Variants in SLC24A2 observed in about 807,000 individuals in gnomAD.
The protein encoded by SLC24A2 is sodium/potassium/calcium exchanger 2.
A neutral mutation model predicts 62.0 loss-of-function variants in SLC24A2; 36 were observed. The observed-to-expected ratio is 0.58, with a 90% CI of 0.44 to 0.77. The LOEUF is 0.77. SLC24A2 is among the 30% of genes least tolerant of loss of function. The pLI is 0.00. For synonymous variants in SLC24A2, 358 were observed against 294.0 expected, an observed-to-expected ratio of 1.22 and a Z score of -2.23; for missense variants, 846 against 817.9, an observed-to-expected ratio of 1.03 and a Z score of -0.42.
At chr9:19,527,982 G>A (rs1833517929) in intron 9 of SLC24A2, 67 bp downstream of exon 9, 1 of 997,948 alleles carries the variant, frequency 1.0e-6, no homozygotes, top group African/African-American at 1.6e-5. Flanking sequence ...CAAACACAAT[G>A]ATTAAACACT....
At chr9:19,533,420 A>G (rs1216713168) in intron 8 of SLC24A2, among the ~76,000 whole-genome samples, 2 of 152,134 alleles carry the variant, frequency 1.3e-5, no homozygotes, top group Non-Finnish European at 2.9e-5. Context: ...GGTGAGGTCT[A>G]TTTTTCCACT....
chr9:19,980,104 T>G, the SLC24A2 span, among the ~76,000 whole-genome samples: 1 of 152,312 alleles, frequency 6.6e-6, no homozygotes, highest in Admixed American at 6.5e-5. Context: ...AAAGGCTTCC[T>G]GGAGGAAGTG....
At chr9:19,609,325 G>A (rs1837078611) in intron 4 of SLC24A2, among the ~76,000 whole-genome samples, 1 of 152,244 alleles carries the variant, frequency 6.6e-6, no homozygotes, top group African/African-American at 2.4e-5. Context: ...CCAGGGCAGT[G>A]GTGCTTATAC....
chr9:20,062,617 C>G, the SLC24A2 span, among the ~76,000 whole-genome samples: 67 of 141,610 alleles, frequency 4.7e-4, 2 homozygotes, highest in Admixed American at 9.8e-4. Context: ...AAAGCAATGG[C>G]AACAAAAGCC....
At chr9:19,916,563 GTAAA>G in the SLC24A2 span, among the ~76,000 whole-genome samples, 2 of 152,060 alleles carry the variant, frequency 1.3e-5, no homozygotes, top group Admixed American at 6.6e-5. Flanking sequence ...GTACATCTAA[GTAAA>G]TAAATAATAC....
At chr9:19,829,763 A>G in the SLC24A2 span, among the ~76,000 whole-genome samples, 4 of 76,146 alleles carry the variant, frequency 5.3e-5, no homozygotes, top group South Asian at 1.0e-3. Flanking sequence ...TTTTATATAT[A>G]TATGTGTGTG....
intron 2 of SLC24A2, among the ~76,000 whole-genome samples, chr9:19,683,804 C>T (rs563840083): frequency 2.6e-5 from 4 of 151,960 alleles, no homozygotes; most frequent in East Asian, 1.9e-4. Flanking sequence ...TTTTTTGAGG[C>T]GGGGAGGAAA....
chr9:19,897,584 G>A, the SLC24A2 span, among the ~76,000 whole-genome samples: 4 of 151,896 alleles, frequency 2.6e-5, no homozygotes, highest in Non-Finnish European at 5.9e-5. Context: ...AGTTAGGATG[G>A]GCAACAAACA....
intron 2 of SLC24A2, among the ~76,000 whole-genome samples, chr9:19,640,171 T>G (rs1455715585): frequency 6.6e-6 from 1 of 152,224 alleles, no homozygotes; most frequent in Non-Finnish European, 1.5e-5. Flanking sequence ...GCATGATGTC[T>G]TATACAATTT....
the SLC24A2 span, among the ~76,000 whole-genome samples, chr9:20,070,161 G>A: frequency 3.9e-5 from 6 of 151,948 alleles, no homozygotes; most frequent in East Asian, 1.9e-4. Context: ...CTTAGTCTCC[G>A]AGATTCTTTG....
chr9:20,292,321 A>T, the SLC24A2 span, among the ~76,000 whole-genome samples: 2 of 152,218 alleles, frequency 1.3e-5, no homozygotes, highest in Admixed American at 1.3e-4. Flanking sequence ...TTCCACTAAT[A>T]GTCTCGTTTT....
chr9:20,054,136 T>A, the SLC24A2 span, among the ~76,000 whole-genome samples: 8 of 152,298 alleles, frequency 5.3e-5, no homozygotes, highest in African/African-American at 1.9e-4. Context: ...AAAAGTTCTT[T>A]AATGGTGATT....
the SLC24A2 span, among the ~76,000 whole-genome samples, chr9:19,865,493 G>T: frequency 6.6e-6 from 1 of 152,058 alleles, no homozygotes; most frequent in Non-Finnish European, 1.5e-5. Context: ...CATGGTACTG[G>T]CATAAAAACA....
intron 2 of SLC24A2, among the ~76,000 whole-genome samples, chr9:19,640,030 T>G (rs1452066858): frequency 1.3e-5 from 2 of 152,256 alleles, no homozygotes; most frequent in African/African-American, 4.8e-5. Flanking sequence ...AACTTGAGTT[T>G]ATTAGATGAA....
the SLC24A2 span, among the ~76,000 whole-genome samples, chr9:20,048,834 T>A: frequency 3.3e-5 from 5 of 152,006 alleles, no homozygotes; most frequent in African/African-American, 1.2e-4. Flanking sequence ...AAAATTTAGA[T>A]CCAGGCCTTT....
chr9:20,209,073 T>C, the SLC24A2 span, among the ~76,000 whole-genome samples: 11 of 152,338 alleles, frequency 7.2e-5, no homozygotes, highest in African/African-American at 2.4e-4. Flanking sequence ...ATCTGTTTCA[T>C]AGACTGCTGT....
At chr9:20,241,036 G>A in the SLC24A2 span, among the ~76,000 whole-genome samples, 1 of 152,166 alleles carries the variant, frequency 6.6e-6, no homozygotes, top group Non-Finnish European at 1.5e-5. Flanking sequence ...CCTCCTGGAA[G>A]AAAGCATTTC....
the SLC24A2 span, among the ~76,000 whole-genome samples, chr9:19,944,134 G>T: frequency 3.4e-3 from 523 of 152,248 alleles, 1 homozygote; most frequent in Admixed American, 8.4e-3. Context: ...GGGAGGAATG[G>T]TTGAAAAACT....
the SLC24A2 span, among the ~76,000 whole-genome samples, chr9:19,953,111 T>C: frequency 6.6e-6 from 1 of 151,992 alleles, no homozygotes; most frequent in African/African-American, 2.4e-5. Context: ...CATCTGTATC[T>C]TGTCCCCTCT....
Sources: gnomAD v4.1 joint callset for allele counts (sites outside exome capture counted in the v4.1 genomes callset) on GRCh38, gnomAD v4.1.1 for gene constraint, MANE v1.5 for transcripts, NCBI Gene and HGNC (gene_info 2026-07-23, HGNC 2026-07-21) for gene names.